Variants in PALM2AKAP2 observed in about 807,000 individuals in gnomAD.
PALM2AKAP2 encodes PALM2-AKAP2 fusion protein.
In PALM2AKAP2, 37 loss-of-function variants were observed where a neutral mutation model predicts 71.5. That is an observed-to-expected ratio of 0.52 (90% CI 0.40 to 0.68). The LOEUF (loss-of-function observed/expected upper bound fraction) is 0.68. PALM2AKAP2 is among the 30% of genes least tolerant of loss of function. The probability of loss-of-function intolerance (pLI) is 0.00; values close to 1 mark genes in which losing one functional copy is unlikely to be tolerated. For synonymous variants in PALM2AKAP2, 468 were observed against 478.8 expected (o/e 0.98, Z 0.29); for missense variants, 1,224 against 1,191.8 (o/e 1.03, Z -0.40).
intron 6 of PALM2AKAP2, among the ~76,000 whole-genome samples, chr9:109,955,978 A>T (rs1257067873): frequency 6.6e-6 from 1 of 151,404 alleles, no homozygotes; most frequent in Non-Finnish European, 1.5e-5. Context: ...AACTGATATG[A>T]TTTAGTGTTT....
intron 1 of PALM2AKAP2, among the ~76,000 whole-genome samples, chr9:110,114,927 G>A (rs1181920416): frequency 2.0e-5 from 3 of 152,134 alleles, no homozygotes; most frequent in East Asian, 1.9e-4. Context: ...AGTCGGTTTC[G>A]TTTGCATTAA....
intron 1 of PALM2AKAP2, among the ~76,000 whole-genome samples, chr9:109,769,547 T>C (rs112024443): frequency 0.022 from 3,331 of 152,316 alleles, 100 homozygotes; most frequent in Admixed American, 0.088. Context: ...AGTTTTGGAC[T>C]AAGCTCAGAT....
At chr9:109,890,226 G>A (rs1830056093) in intron 3 of PALM2AKAP2, among the ~76,000 whole-genome samples, 1 of 152,148 alleles carries the variant, frequency 6.6e-6, no homozygotes, top group South Asian at 2.1e-4. Context: ...GTCTTATTTG[G>A]TACATCCATC....
chr9:110,085,760 A>G (rs971045279), intron 1 of PALM2AKAP2, among the ~76,000 whole-genome samples: 1 of 152,216 alleles, frequency 6.6e-6, no homozygotes, highest in Admixed American at 6.5e-5. Context: ...TGATAAATAG[A>G]AAGCAAGATA....
At chr9:110,006,324 C>CTCTTTCTG in intron 6 of PALM2AKAP2, among the ~76,000 whole-genome samples, 1 of 102,214 alleles carries the variant, frequency 9.8e-6, no homozygotes, top group Admixed American at 1.2e-4. Context: ...TTCCTTCCTT[C>CTCTTTCTG]TCTTTCTTTC....
At chr9:110,162,162 A>T (rs1836616161) in intron 3 of PALM2AKAP2, 30 bp downstream of exon 10, 1 of 1,612,654 alleles carries the variant, frequency 6.2e-7, no homozygotes, top group African/African-American at 1.3e-5. Context: ...TCTTGGTCTT[A>T]CTGAATGCAT....
In PALM2AKAP2 at chr9:109,823,452, C is replaced by G. The variant is rs1324311728; in HGVS notation, c.45+42919C>G. 3.3e-5 allele frequency among the ~76,000 whole-genome samples: 5 copies of G among 152,172 alleles called. No individual in the cohort carries two copies. In the East Asian group the frequency reaches 9.6e-4, roughly 29 times the overall value. Reference sequence around the variant, plus strand: ...AAACAAGTTCTTAGCCTGTCTGAGTCTTTATTTTCTGTATAAACTGGGAGT... The same window carrying G: ...AAACAAGTTCTTAGCCTGTCTGAGTGTTTATTTTCTGTATAAACTGGGAGT... On this transcript the variant is annotated intron_variant, in intron 1 of 9. Transcript: ENST00000302798.
chr9:109,861,447 G>A (rs1019068288), intron 1 of PALM2AKAP2, among the ~76,000 whole-genome samples: 3 of 152,126 alleles, frequency 2.0e-5, no homozygotes, highest in Admixed American at 2.0e-4. Flanking sequence ...AACATGTTAT[G>A]ATTATAACAT....
chr9:109,772,618 T>C (rs1421622974), intron 1 of PALM2AKAP2, among the ~76,000 whole-genome samples: 2 of 152,240 alleles, frequency 1.3e-5, no homozygotes, highest in Admixed American at 1.3e-4. Flanking sequence ...AATGTGGGGC[T>C]GTTGGTCTTC....
intron 1 of PALM2AKAP2, among the ~76,000 whole-genome samples, chr9:109,731,880 T>G (rs1241968734): frequency 6.6e-6 from 1 of 152,194 alleles, no homozygotes; most frequent in African/African-American, 2.4e-5. Flanking sequence ...TGTCTTGTTT[T>G]GGCCTGAGAT....
chr9:110,062,592 G>A lies in PALM2AKAP2; in HGVS notation c.156+13737G>A, dbSNP rs1833987496. Among the ~76,000 whole-genome samples the A allele has an allele frequency of 2.0e-5, 3 of 152,198 alleles. No homozygotes were observed. In the South Asian group the frequency reaches 6.2e-4, roughly 32 times the overall value. Reference sequence around the variant, plus strand: ...ACACCCACCCTAGGATTACCTGCAGGACCTAAGGTTTTAGAATGTGCTAGG... The same window carrying A: ...ACACCCACCCTAGGATTACCTGCAGAACCTAAGGTTTTAGAATGTGCTAGG... On this transcript the variant is annotated intron_variant, in intron 1 of 3. Coordinates refer to ENST00000374525, the Ensembl canonical transcript of PALM2AKAP2.
chr9:109,853,857 G>A (rs1216641303), intron 1 of PALM2AKAP2, among the ~76,000 whole-genome samples: 3 of 152,142 alleles, frequency 2.0e-5, no homozygotes, highest in Non-Finnish European at 4.4e-5. Flanking sequence ...GAGCTCTGCT[G>A]TTTGGGGCTT....
At chr9:110,111,757 GA>G (rs950012414) in intron 1 of PALM2AKAP2, among the ~76,000 whole-genome samples, 6 of 151,382 alleles carry the variant, frequency 4.0e-5, no homozygotes, top group African/African-American at 1.5e-4. Context: ...AAAACTAAAG[GA>G]AAAAAAATGG....
intron 1 of PALM2AKAP2, among the ~76,000 whole-genome samples, chr9:109,760,132 A>G (rs28709496): frequency 0.019 from 2,847 of 152,230 alleles, 86 homozygotes; most frequent in African/African-American, 0.064. Context: ...AGAATGTTGT[A>G]TGAAAAGAAT....
At chr9:110,122,046 G>A (rs10123273) in intron 1 of PALM2AKAP2, among the ~76,000 whole-genome samples, 10,648 of 152,170 alleles carry the variant, frequency 0.07, 1,246 homozygotes, top group African/African-American at 0.24. Context: ...TTTCAAAGTC[G>A]TCTCTTGCTG....
chr9:109,715,356 T>G (rs1828301225), intron 1 of PALM2AKAP2, among the ~76,000 whole-genome samples: 1 of 152,172 alleles, frequency 6.6e-6, no homozygotes, highest in Non-Finnish European at 1.5e-5. Context: ...GAAATACAAG[T>G]GACTTGACAT....
intron 1 of PALM2AKAP2, among the ~76,000 whole-genome samples, chr9:110,106,811 A>G (rs1266328646): frequency 2.6e-5 from 4 of 152,232 alleles, no homozygotes; most frequent in Admixed American, 2.6e-4. Flanking sequence ...TCAGTTCCCA[A>G]ACAAATGGCT....
chr9:110,162,582 T>C (rs1371709857), intron 3 of PALM2AKAP2, among the ~76,000 whole-genome samples: 2 of 152,234 alleles, frequency 1.3e-5, no homozygotes, highest in African/African-American at 4.8e-5. Context: ...CTCCATTCTA[T>C]AGATTTAAGA....
intron 1 of PALM2AKAP2, among the ~76,000 whole-genome samples, chr9:109,859,197 T>C (rs1385628563): frequency 1.3e-5 from 2 of 152,236 alleles, no homozygotes; most frequent in African/African-American, 4.8e-5. Context: ...TTAAAAATTC[T>C]CTTGACCATA....
Sources: allele counts gnomAD v4.1 joint callset (sites outside exome capture counted in the v4.1 genomes callset), GRCh38; gene constraint gnomAD v4.1.1; transcripts MANE v1.5; gene names NCBI Gene and HGNC (gene_info 2026-07-23, HGNC 2026-07-21).